TDRD7: variants seen among roughly 807,000 people sequenced by gnomAD.
The protein encoded by TDRD7 is tudor domain containing 7, also known as tudor domain-containing protein 7.
In TDRD7, 47 loss-of-function variants were observed where a neutral mutation model predicts 109.8. The observed-to-expected ratio is 0.43, with a 90% confidence interval of 0.34 to 0.55. TDRD7 has a LOEUF of 0.55. TDRD7 is among the 20% of genes least tolerant of loss of function. The probability of loss-of-function intolerance (pLI) is 0.03; values close to 1 mark genes in which losing one functional copy is unlikely to be tolerated. For synonymous variants in TDRD7, 424 were observed against 457.3 expected, an observed-to-expected ratio of 0.93 and a Z score of 0.93; for missense variants, 1,164 against 1,319.2, an observed-to-expected ratio of 0.88 and a Z score of 1.82.
intron 1 of TDRD7, among the ~76,000 whole-genome samples, chr9:97,427,439 A>G (rs768861249): frequency 6.6e-6 from 1 of 152,064 alleles, no homozygotes; most frequent in Non-Finnish European, 1.5e-5. Context: ...GCAGAGGTCC[A>G]TCTGTAACCT....
rs1829140158 is a variant in TDRD7 at position 97,482,928 on chromosome 9, G to A, written c.2492G>A (p.Ser831Asn). 2 of 1,614,186 alleles carry A rather than the reference G, an allele frequency of 1.2e-6. No individual in the cohort carries two copies. The highest frequency in any genetic ancestry group is 1.3e-5 in the African/African-American group (1 of 75,062). Residue 831 changes from serine to asparagine, a missense_variant, in exon 15 of 17, where the codon AGT becomes AAT. By Grantham distance (46) the Ser-to-Asn change is conservative (BLOSUM62 1). This residue lies in a region of TDRD7 where 233 missense variants were observed against 218.0 expected (regional missense o/e 1.07). Coordinates refer to ENST00000355295, the MANE Select transcript of TDRD7 (RefSeq NM_014290.3). ...AAGAACTTCCCTGACCCTCATCGCA[G>A]TATTAATCGCCAGATTACAAATGCA... is the stretch of plus-strand genomic sequence containing the variant. ...TPKNFPDPHRSINRQITNADL... is the reference protein window; with the variant it reads ...TPKNFPDPHRNINRQITNADL...
intron 6 of TDRD7, among the ~76,000 whole-genome samples, chr9:97,456,736 G>A (rs1187788128): frequency 3.3e-5 from 5 of 152,078 alleles, no homozygotes; most frequent in Non-Finnish European, 7.4e-5. Context: ...GAAAACCTAC[G>A]CAACACCATT....
At chr9:97,416,867 A>G (rs62557493) in intron 1 of TDRD7, among the ~76,000 whole-genome samples, 10,942 of 152,104 alleles carry the variant, frequency 0.072, 630 homozygotes, top group African/African-American at 0.16. Flanking sequence ...GGATTCAGCA[A>G]TGAACAAAAC....
At chr9:97,430,200 A>G (rs566226118) in intron 2 of TDRD7, among the ~76,000 whole-genome samples, 4 of 152,266 alleles carry the variant, frequency 2.6e-5, no homozygotes, top group Admixed American at 2.0e-4. Context: ...ATATCATATC[A>G]TACCAATTTT....
intron 7 of TDRD7, among the ~76,000 whole-genome samples, chr9:97,463,101 A>G (rs1344724101): frequency 1.3e-5 from 2 of 152,216 alleles, no homozygotes; most frequent in East Asian, 3.9e-4. Flanking sequence ...GTGCCTTAGT[A>G]TTTGCAAAGC....
Position 97,412,646 on chromosome 9 carries a change from C to T in TDRD7, c.-7+408C>T, listed in dbSNP as rs1057018990. On this transcript the variant is annotated intron_variant, in intron 1 of 16. Coordinates refer to ENST00000355295, the MANE Select transcript of TDRD7 (RefSeq NM_014290.3). This position sits in a 1 kb window ranked among gnomAD's most constrained non-coding sequence, Gnocchi z 4.3. ...GCGCGACAGGCCGCAGCCGCCGCCCCCAGCGAGGGATGTCCGCGCTCCCCT... is the reference window on the plus strand; with the variant it reads ...GCGCGACAGGCCGCAGCCGCCGCCCTCAGCGAGGGATGTCCGCGCTCCCCT... 1.3e-5 allele frequency among the ~76,000 whole-genome samples: 2 copies of T among 152,202 alleles called. No individual in the cohort carries two copies. Among genetic ancestry groups the T allele is most frequent in the South Asian group, 2.1e-4 (1 of 4,828 alleles).
intron 13 of TDRD7, among the ~76,000 whole-genome samples, chr9:97,479,550 A>G (rs1217020576): frequency 6.6e-6 from 1 of 152,166 alleles, no homozygotes; most frequent in African/African-American, 2.4e-5. Context: ...AACAATCACT[A>G]AACTTTTTTT....
intron 2 of TDRD7, among the ~76,000 whole-genome samples, chr9:97,430,138 G>T (rs762755332): frequency 3.9e-5 from 6 of 152,110 alleles, no homozygotes; most frequent in Non-Finnish European, 8.8e-5. Flanking sequence ...AACTACACAG[G>T]TCTGTAGAGA....
chr9:97,440,272 A>T lies in TDRD7; in HGVS notation c.637+954A>T, dbSNP rs141319937. Among the ~76,000 whole-genome samples the T allele has an allele frequency of 9.2e-5, 14 of 152,336 alleles. 2 individuals are homozygous for T. The highest frequency in any genetic ancestry group is 3.4e-4 in the African/African-American group (14 of 41,592). ...TTCACCTGGCAGAGCTGATAGGCAC[A>T]CATGTGTACACAACCTCTCCTACAT... On this transcript the variant is annotated intron_variant, in intron 5 of 16. Transcript: ENST00000355295.
At chr9:97,462,454 C>T (rs915710166) in intron 7 of TDRD7, among the ~76,000 whole-genome samples, 1 of 152,126 alleles carries the variant, frequency 6.6e-6, no homozygotes, top group Admixed American at 6.5e-5. Context: ...TTGGCTTCTG[C>T]CCTCCCCACA....
At chr9:97,441,380 C>T (rs1471352008) in intron 5 of TDRD7, among the ~76,000 whole-genome samples, 1 of 152,136 alleles carries the variant, frequency 6.6e-6, no homozygotes, top group Admixed American at 6.5e-5. Context: ...GCAAGATCAT[C>T]TTGATGTTTA....
chr9:97,447,947 G>A (rs1828429116), intron 6 of TDRD7, among the ~76,000 whole-genome samples: 1 of 152,240 alleles, frequency 6.6e-6, no homozygotes, highest in South Asian at 2.1e-4. Context: ...TGTCTAAAGA[G>A]CATTGGTGAA....
At position 97,428,691 on chromosome 9, in the gene TDRD7, G is replaced by A. The variant is rs16920147; in HGVS notation, c.207+19G>A. On this transcript the variant is annotated intron_variant, in intron 2 of 16. Transcript: ENST00000355295. ...TGGAGAGGTAAGAAGGTAATTGTGC[G>A]TGTCAGAAGAATCAAACCAATTCAT... 7.3e-3 allele frequency: 11,684 copies of A among 1,609,366 alleles called. 369 individuals carry two copies. The East Asian group carries it at 0.088, about 12-fold the overall frequency.
intron 14 of TDRD7, among the ~76,000 whole-genome samples, chr9:97,482,031 A>G (rs942716397): frequency 1.3e-5 from 2 of 152,096 alleles, no homozygotes; most frequent in African/African-American, 4.8e-5. Context: ...TATTTTTATC[A>G]TTCCTAAGAT....
At chr9:97,450,133 T>C (rs1828465666) in intron 6 of TDRD7, among the ~76,000 whole-genome samples, 1 of 152,054 alleles carries the variant, frequency 6.6e-6, no homozygotes, top group Non-Finnish European at 1.5e-5. Context: ...AGGGAGTTCA[T>C]CTTTAATGTT....
intron 6 of TDRD7, among the ~76,000 whole-genome samples, chr9:97,451,550 C>T (rs540959509): frequency 6.6e-6 from 1 of 152,202 alleles, no homozygotes; most frequent in Non-Finnish European, 1.5e-5. Context: ...CCCCAGGCTC[C>T]CAAAGTGCTG....
chr9:97,460,102 T>C (rs1828683098), intron 6 of TDRD7, 76 bp from the exon 7 acceptor site: 1 of 1,250,972 alleles, frequency 8.0e-7, no homozygotes, highest in Non-Finnish European at 1.2e-6. Flanking sequence ...CTCTCAAATT[T>C]AGAATGCATT....
chr9:97,418,195 G>T (rs1827841889), intron 1 of TDRD7, among the ~76,000 whole-genome samples: 1 of 152,194 alleles, frequency 6.6e-6, no homozygotes, highest in South Asian at 2.1e-4. Context: ...GTCAGATTGA[G>T]AAATATAACT....
chr9:97,495,740 C>G lies in TDRD7; in HGVS notation c.3154C>G (p.Leu1052Val). 5.0e-6 allele frequency: 8 copies of G among 1,614,182 alleles called. No homozygotes were observed. Among genetic ancestry groups the G allele is most frequent in the Non-Finnish European group, 6.8e-6 (8 of 1,180,036 alleles). The change falls in exon 17 of 17, where the codon CTG becomes GTG. Residue 1052 changes from leucine (L) to valine (V), a missense_variant. Physicochemically the swap from Leu to Val is conservative, Grantham distance 32. Coordinates refer to ENST00000355295, the MANE Select transcript of TDRD7 (RefSeq NM_014290.3). ...TGTGGAGAAGAAACCTCTGGTGGCA[C>G]TGGTGCAGACAGTCATTGAAAATGC... is the stretch of plus-strand genomic sequence containing the variant. ...NHVEKKPLVA[L>V]VQTVIENANP...
Sources: allele counts gnomAD v4.1 joint callset (sites outside exome capture counted in the v4.1 genomes callset), GRCh38; gene constraint gnomAD v4.1.1; regional missense constraint gnomAD v4.1.1; non-coding constraint Gnocchi (gnomAD v3.1); transcripts MANE v1.5; gene names NCBI Gene and HGNC (gene_info 2026-07-23, HGNC 2026-07-21).